Variants in CFAP47 observed in about 807,000 individuals in gnomAD.
The protein encoded by CFAP47 is cilia- and flagella-associated protein 47.
Under a neutral mutation model 148.1 loss-of-function variants are expected in CFAP47, and 29 were observed. The ratio of observed to expected loss-of-function variants is 0.20; its 90% CI spans 0.15 to 0.27. CFAP47 has a LOEUF of 0.27. Ranked by LOEUF, CFAP47 falls within the 10% of genes least tolerant of loss-of-function variation. The pLI is 1.00. For synonymous variants in CFAP47, 664 were observed against 577.3 expected (o/e 1.15, Z -2.15); for missense variants, 1,872 against 1,697.5 (o/e 1.10, Z -1.81).
At chrX:36,309,147 C>G (rs1395001413) in intron 55 of CFAP47, among the ~76,000 whole-genome samples, 1 of 111,099 alleles carries the variant, frequency 9.0e-6, no homozygotes, top group African/African-American at 3.2e-5. Flanking sequence ...TTTTCAGATG[C>G]TTCCTTTTTA....
At chrX:36,184,563 A>G (rs1939785106) in intron 40 of CFAP47, among the ~76,000 whole-genome samples, 1 of 111,922 alleles carries the variant, frequency 8.9e-6, no homozygotes, top group African/African-American at 3.2e-5. Context: ...AGCTTGGTTC[A>G]GAATTGCAAC....
chrX:36,289,966 A>T (rs781895719), intron 51 of CFAP47, among the ~76,000 whole-genome samples: 61 of 110,770 alleles, frequency 5.5e-4, no homozygotes, highest in African/African-American at 1.7e-3. Flanking sequence ...GTGCTCTGCC[A>T]AAAGGAAGGG....
At chrX:36,330,133 C>T (rs1400477573) in intron 57 of CFAP47, among the ~76,000 whole-genome samples, 1 of 111,491 alleles carries the variant, frequency 9.0e-6, no homozygotes, top group African/African-American at 3.3e-5. Flanking sequence ...TAATTATAGT[C>T]ACTCGCTTCC....
chrX:36,352,937 A>G (rs1556017746), intron 59 of CFAP47, among the ~76,000 whole-genome samples: 1 of 109,755 alleles, frequency 9.1e-6, no homozygotes, highest in Non-Finnish European at 1.9e-5. Context: ...TGTGTTTAAA[A>G]GGTAATTTTT....
intron 48 of CFAP47, 61 bp downstream of exon 48, chrX:36,236,920 A>G: frequency 2.4e-6 from 1 of 408,352 alleles, no homozygotes; most frequent in Middle Eastern, 3.7e-4. Context: ...CACATGAAAT[A>G]TAATAATTAC....
chrX:36,261,877 C>T (rs1006798857), intron 49 of CFAP47, among the ~76,000 whole-genome samples: 4 of 110,773 alleles, frequency 3.6e-5, no homozygotes, highest in Non-Finnish European at 5.7e-5. Context: ...GGCAGAGGGG[C>T]GCCTCACTTC....
intron 57 of CFAP47, among the ~76,000 whole-genome samples, chrX:36,337,643 A>G (rs978251518): frequency 9.0e-6 from 1 of 111,457 alleles, no homozygotes; most frequent in East Asian, 2.8e-4. Flanking sequence ...TATTAAGAAT[A>G]TAGAGGCAAA....
intron 27 of CFAP47, among the ~76,000 whole-genome samples, chrX:36,068,065 G>A (rs1348196633): frequency 1.8e-5 from 2 of 112,145 alleles, no homozygotes; most frequent in African/African-American, 3.2e-5. Context: ...ATGTTAGCAA[G>A]TGGTTTAGTT....
At chrX:35,969,355 A>G (rs1281489427) in intron 10 of CFAP47, among the ~76,000 whole-genome samples, 1 of 111,614 alleles carries the variant, frequency 9.0e-6, no homozygotes, top group Non-Finnish European at 1.9e-5. Flanking sequence ...ATTTTTGTCT[A>G]GTTTTTATTT....
chrX:35,953,845 A>C, intron 7 of CFAP47, 126 bp downstream of exon 7: 1 of 462,193 alleles, frequency 2.2e-6, no homozygotes, highest in Non-Finnish European at 3.3e-6. Flanking sequence ...AAAAGCAAAC[A>C]TGTTCAAGAG....
At chrX:36,279,575 AG>A (rs1556003230) in intron 49 of CFAP47, among the ~76,000 whole-genome samples, 1 of 112,304 alleles carries the variant, frequency 8.9e-6, no homozygotes, top group Non-Finnish European at 1.9e-5. Flanking sequence ...TTTAGAGGTC[AG>A]GGACCATTTC....
At chrX:36,105,272 A>T (rs1938447362) in intron 33 of CFAP47, among the ~76,000 whole-genome samples, 1 of 111,928 alleles carries the variant, frequency 8.9e-6, no homozygotes, top group Admixed American at 9.5e-5. Context: ...CTTGTAAATT[A>T]TACAGTGTGG....
intron 45 of CFAP47, among the ~76,000 whole-genome samples, chrX:36,219,066 G>A (rs1452034027): frequency 1.8e-5 from 2 of 111,412 alleles, no homozygotes; most frequent in Non-Finnish European, 3.8e-5. Flanking sequence ...GACCTTAGAA[G>A]GTATCAGATG....
In CFAP47 at chrX:36,200,395, A is replaced by G. The variant is rs1213289776; in HGVS notation, c.6338A>G (p.Tyr2113Cys). Residue 2113 changes from tyrosine (Y) to cysteine (C), a missense_variant, in exon 43 of 64, where the codon TAT (tyrosine) becomes TGT (cysteine). Transcript: ENST00000378653. ...LSNKKIGQLI[Y>C]VAEGKGMTPL... ...GTGTTTTAGATTGGACAATTAATAT[A>G]TGTTGCGGAAGGAAAAGGTATGACC... 1 of 295,073 alleles carries G rather than the reference A, an allele frequency of 3.4e-6. No homozygotes were observed. Among genetic ancestry groups the G allele is most frequent in the Non-Finnish European group, 5.9e-6 (1 of 169,379 alleles). 24.3% of individuals were successfully genotyped at this position (295,073 alleles called of 1,213,427 possible).
At position 36,089,439 on chromosome X, in the gene CFAP47, C is replaced by T. The variant is rs780839089; in HGVS notation, c.4916+3901C>T. 4.5e-5 allele frequency among the ~76,000 whole-genome samples: 5 copies of T among 111,385 alleles called. No individual in the cohort carries two copies. The South Asian group carries it at 1.9e-3, about 42-fold the overall frequency. On this transcript the variant is annotated intron_variant, in intron 30 of 63. Coordinates refer to ENST00000378653, the MANE Select transcript of CFAP47 (RefSeq NM_001304548.2). ...TTATATCCTTCTCACTTATGCATGA[C>T]CATTATAGTATCTTATTTAATGGAA...
intron 26 of CFAP47, 70 bp downstream of exon 26, chrX:36,047,133 G>C: frequency 4.2e-6 from 3 of 708,536 alleles, no homozygotes; most frequent in Non-Finnish European, 6.2e-6. Flanking sequence ...TTTACACCAT[G>C]GTAAAATGTT....
intron 60 of CFAP47, among the ~76,000 whole-genome samples, chrX:36,357,745 T>C (rs1490955394): frequency 9.0e-6 from 1 of 111,546 alleles, no homozygotes; most frequent in African/African-American, 3.3e-5. Context: ...TTCTTCTTCC[T>C]AAGTACCTCC....
At chrX:36,237,518 TG>T (rs1335593352) in intron 48 of CFAP47, among the ~76,000 whole-genome samples, 1 of 110,927 alleles carries the variant, frequency 9.0e-6, no homozygotes, top group East Asian at 2.8e-4. Context: ...TTTGTAGAGA[TG>T]GGGTTTTACC....
At chrX:36,005,739 A>T (rs1433349851) in intron 21 of CFAP47, among the ~76,000 whole-genome samples, 1 of 111,889 alleles carries the variant, frequency 8.9e-6, no homozygotes, top group Admixed American at 9.5e-5. Flanking sequence ...ACTTTGTAAG[A>T]TTATTTTTTC....
Sources: gnomAD v4.1 joint callset for allele counts (sites outside exome capture counted in the v4.1 genomes callset) on GRCh38, gnomAD v4.1.1 for gene constraint, MANE v1.5 for transcripts, NCBI Gene and HGNC (gene_info 2026-07-23, HGNC 2026-07-21) for gene names.